TFDP1: variants seen among roughly 807,000 people sequenced by gnomAD.
The protein encoded by TFDP1 is DRTF1-polypeptide 1.
TFDP1 carries 6 observed loss-of-function variants against 48.0 expected under a neutral mutation model. That is an observed-to-expected ratio of 0.13 (90% CI 0.07 to 0.25). The LOEUF is 0.25. TFDP1 is among the 10% of genes least tolerant of loss of function. The pLI, the probability that TFDP1 is intolerant of heterozygous loss-of-function variation, is 1.00. For synonymous variants in TFDP1, 201 were observed against 211.6 expected, an observed-to-expected ratio of 0.95 and a Z score of 0.44; for missense variants, 335 against 543.0, an observed-to-expected ratio of 0.62 and a Z score of 3.81.
chr13:113,594,840 A>G (rs982089297), intron 2 of TFDP1, among the ~76,000 whole-genome samples: 3 of 152,274 alleles, frequency 2.0e-5, no homozygotes, highest in African/African-American at 7.2e-5. Context: ...TTCTGATTAT[A>G]AGAGTAATCT....
intron 2 of TFDP1, among the ~76,000 whole-genome samples, chr13:113,604,476 G>C (rs1171726439): frequency 2.0e-5 from 3 of 152,226 alleles, no homozygotes; most frequent in East Asian, 3.9e-4. Flanking sequence ...TGTGGCCTTG[G>C]ATCCTGTGTG....
chr13:113,621,636 G>A (rs1594492811), intron 3 of TFDP1, among the ~76,000 whole-genome samples: 1 of 152,240 alleles, frequency 6.6e-6, no homozygotes, highest in South Asian at 2.1e-4. Context: ...AGACGAGTGC[G>A]AGCCTTCTGT....
chr13:113,594,484 G>C (rs1312222602), intron 2 of TFDP1, among the ~76,000 whole-genome samples: 1 of 151,658 alleles, frequency 6.6e-6, no homozygotes, highest in Non-Finnish European at 1.5e-5. Context: ...GCCCTGTCCA[G>C]GTGACAGGTA....
chr13:113,634,700 C>A (rs1594534743), intron 8 of TFDP1, 98 bp downstream of exon 8: 1 of 847,834 alleles, frequency 1.2e-6, no homozygotes, highest in Non-Finnish European at 1.9e-6. Context: ...TCCTGCATGG[C>A]AAATCAAATG....
Position 113,633,344 on chromosome 13 carries a change from T to A in TFDP1, c.474+59T>A, listed in dbSNP as rs1480233269. On this transcript the variant is annotated intron_variant, in intron 6 of 11. Coordinates refer to ENST00000375370, the MANE Select transcript of TFDP1 (RefSeq NM_007111.5). This position sits in a 1 kb window ranked among gnomAD's most constrained non-coding sequence, Gnocchi z 4.5. ...GGCGGAGCCCAGCGGTGTGGTACGT[T>A]TCGCTCTTTTAATATCGGGAACAGT... is the stretch of plus-strand genomic sequence containing the variant. The A allele has an allele frequency of 7.1e-5, 80 of 1,127,468 alleles. No homozygotes were observed. The South Asian group carries it at 1.0e-3, about 14-fold the overall frequency. 69.8% of individuals were successfully genotyped at this position (1,127,468 alleles called of 1,614,324 possible). A position where few individuals can be genotyped will look rare whatever the true frequency, so the allele number is the denominator to read the frequency against.
chr13:113,595,852 G>C (rs927657391), intron 2 of TFDP1, among the ~76,000 whole-genome samples: 1 of 152,236 alleles, frequency 6.6e-6, no homozygotes, highest in Non-Finnish European at 1.5e-5. Context: ...GGAGGCTGAG[G>C]CGGGCGGATC....
intron 4 of TFDP1, among the ~76,000 whole-genome samples, chr13:113,629,213 A>G (rs778875877): frequency 1.3e-5 from 2 of 152,222 alleles, no homozygotes; most frequent in Non-Finnish European, 2.9e-5. Flanking sequence ...CATGGGCCGG[A>G]TGCCGCGGGG....
rs780139579 is a variant in TFDP1, at chr13:113,633,425, C to T, written c.474+140C>T. ...ATAAAAGAATTTTTACCAAACGAGT[C>T]AGTAAGTGTGTGCCGGGGCCGAGAG... On this transcript the variant is annotated intron_variant, in intron 6 of 11. Transcript: ENST00000375370. The surrounding 1 kb of genome is among the most constrained non-coding windows in gnomAD (Gnocchi z 4.5). 2.2e-5 allele frequency: 23 copies of T among 1,028,420 alleles called. No individual in the cohort carries two copies. The African/African-American group carries it at 3.8e-4, about 17-fold the overall frequency. 63.7% of individuals were successfully genotyped at this position (1,028,420 alleles called of 1,614,324 possible). A position where few individuals can be genotyped will look rare whatever the true frequency, so the allele number is the denominator to read the frequency against.
At chr13:113,635,595 CCACGG>C (rs2049462874) in intron 8 of TFDP1, among the ~76,000 whole-genome samples, 1 of 152,194 alleles carries the variant, frequency 6.6e-6, no homozygotes, top group Non-Finnish European at 1.5e-5. Flanking sequence ...TGGGCAAAGT[CCACGG>C]CACGGCACCC....
rs75617056 is a variant in TFDP1 at position 113,602,538 on chromosome 13, C to T, written c.13-8458C>T. ...GTTTAATGTGCAGTGCAAGTGTTTT[C>T]TGCCCTGGGGTCTGGCGCAGGCCAC... On this transcript the variant is annotated intron_variant, in intron 2 of 11. Coordinates refer to ENST00000375370, the MANE Select transcript of TFDP1 (RefSeq NM_007111.5). Among the ~76,000 whole-genome samples the T allele has an allele frequency of 4.2e-3, 644 of 152,316 alleles. 27 individuals carry two copies. In the East Asian group the frequency reaches 0.1, roughly 24 times the overall value.
chr13:113,600,474 C>CCTTGCA (rs1487302974), intron 2 of TFDP1, among the ~76,000 whole-genome samples: 2 of 149,088 alleles, frequency 1.3e-5, no homozygotes, highest in South Asian at 2.1e-4. Context: ...AAGAGAGAAC[C>CCTTGCA]CAGAACCATG....
At chr13:113,597,689 A>T (rs1298865947) in intron 2 of TFDP1, among the ~76,000 whole-genome samples, 3 of 152,216 alleles carry the variant, frequency 2.0e-5, no homozygotes, top group Non-Finnish European at 4.4e-5. Flanking sequence ...GCTTTGACGA[A>T]ATTAGGAGCA....
In TFDP1 at chr13:113,631,684, C is replaced by A. The variant is rs973111837; in HGVS notation, c.248C>A (p.Thr83Asn). The change falls in exon 5 of 12, where the codon ACC becomes AAC. Residue 83 changes from threonine to asparagine, a missense_variant. Thr to Asn is a moderately conservative substitution (Grantham distance 65, BLOSUM62 0). Around this residue, in one of 3 missense-constraint regions of TFDP1, gnomAD observed 103 missense variants for 140.4 expected, o/e 0.73. Transcript: ENST00000375370. ...ACCCTGGTGGTAGGAAGCCCACACA[C>A]CCCCAGCACTCACTTTGCCTCTCAG... Reference protein sequence around the residue: ...SNTLVVGSPHTPSTHFASQNQ... With the variant: ...SNTLVVGSPHNPSTHFASQNQ... The A allele has an allele frequency of 2.5e-6, 4 of 1,614,146 alleles. No individual in the cohort carries two copies. The highest frequency in any genetic ancestry group is 1.1e-5 in the South Asian group (1 of 91,084).
chr13:113,622,755 C>T lies in TFDP1; in HGVS notation c.80-425C>T, dbSNP rs368444263. Among the ~76,000 whole-genome samples, 8 of 152,252 alleles carry T rather than the reference C, an allele frequency of 5.3e-5. No individual in the cohort carries two copies. In the East Asian group the frequency reaches 1.5e-3, roughly 29 times the overall value. ...CTTCCTAGGAACAAATGTGGTTCTC[C>T]TTCCTAAGGAAAAGTGGATTATCAG... On this transcript the variant is annotated intron_variant, in intron 3 of 11. Coordinates refer to ENST00000375370, the MANE Select transcript of TFDP1 (RefSeq NM_007111.5).
intron 8 of TFDP1, among the ~76,000 whole-genome samples, chr13:113,634,895 G>C (rs143762273): frequency 2.0e-5 from 3 of 152,046 alleles, no homozygotes; most frequent in Non-Finnish European, 1.5e-5. Context: ...ATGTGTGTGC[G>C]TGCATGTGCC....
intron 2 of TFDP1, among the ~76,000 whole-genome samples, chr13:113,600,554 G>A (rs1315028437): frequency 1.4e-5 from 2 of 145,080 alleles, no homozygotes; most frequent in Non-Finnish European, 3.0e-5. Flanking sequence ...CCAGGACCGC[G>A]ATAGAGAACT....
At chr13:113,630,961 C>T (rs1192944242) in intron 4 of TFDP1, among the ~76,000 whole-genome samples, 1 of 152,170 alleles carries the variant, frequency 6.6e-6, no homozygotes, top group Non-Finnish European at 1.5e-5. Context: ...GGAGCCCCTA[C>T]CTTCCGCCCC....
chr13:113,621,721 A>G (rs1302984748), intron 3 of TFDP1, among the ~76,000 whole-genome samples: 1 of 152,224 alleles, frequency 6.6e-6, no homozygotes, highest in Admixed American at 6.5e-5. Flanking sequence ...GTCCGTTGCC[A>G]GGTGGACTGT....
chr13:113,593,096 C>T (rs139990887), intron 2 of TFDP1, among the ~76,000 whole-genome samples: 3,828 of 144,132 alleles, frequency 0.027, 42 homozygotes, highest in African/African-American at 0.093. Flanking sequence ...CTCAGCCCTG[C>T]CCAGGTGACA....
Sources: allele counts gnomAD v4.1 joint callset (sites outside exome capture counted in the v4.1 genomes callset), GRCh38; gene constraint gnomAD v4.1.1; regional missense constraint gnomAD v4.1.1; non-coding constraint Gnocchi (gnomAD v3.1); transcripts MANE v1.5; gene names NCBI Gene and HGNC (gene_info 2026-07-23, HGNC 2026-07-21).